CRLF3: variants seen among roughly 807,000 people sequenced by gnomAD.
CRLF3 encodes cytokine receptor-like factor 3.
A neutral mutation model predicts 55.0 loss-of-function variants in CRLF3; 33 were observed. The ratio of observed to expected loss-of-function variants is 0.60; its 90% CI spans 0.46 to 0.80. The LOEUF is 0.80. Among genes scored for constraint, CRLF3 ranks in the 30% least tolerant of loss-of-function variants. CRLF3 has a pLI of 0.00. For missense variants in CRLF3, 494 were observed against 538.4 expected, an observed-to-expected ratio of 0.92 and a Z score of 0.82; for synonymous variants, 238 against 196.8, an observed-to-expected ratio of 1.21 and a Z score of -1.75.
At position 30,815,976 on chromosome 17, in the gene CRLF3, T is replaced by TAA. The variant is rs527247079; in HGVS notation, c.129+8545_129+8546dup. 6.7e-3 allele frequency among the ~76,000 whole-genome samples: 915 copies of TAA among 135,998 alleles called. 15 individuals are homozygous for TAA. Among genetic ancestry groups the TAA allele is most frequent in the African/African-American group, 0.023 (857 of 37,536 alleles). The allele number at this position is 135,998 out of a possible 152,430, so 89.2% of individuals were successfully genotyped here. A position where few individuals can be genotyped will look rare whatever the true frequency, so the allele number is the denominator to read the frequency against. On this transcript the variant is annotated intron_variant, in intron 1 of 7. Coordinates refer to ENST00000324238, the MANE Select transcript of CRLF3 (RefSeq NM_015986.4). ...TGGTGTTGTTCAGGAAATAAAAAGTTAAAAAAAAAAAAAAGACAATTTGTA... is the reference window on the plus strand; with the variant it reads ...TGGTGTTGTTCAGGAAATAAAAAGTTAAAAAAAAAAAAAAAAGACAATTTGTA...
At chr17:30,801,804 A>AT (rs1015472554) in intron 2 of CRLF3, among the ~76,000 whole-genome samples, 48 of 148,462 alleles carry the variant, frequency 3.2e-4, no homozygotes, top group African/African-American at 9.4e-4. Context: ...AGGCAGGGTC[A>AT]TTTTTTTTTT....
chr17:30,812,718 G>A (rs763324506), intron 1 of CRLF3, among the ~76,000 whole-genome samples: 5 of 152,064 alleles, frequency 3.3e-5, no homozygotes, highest in Non-Finnish European at 5.9e-5. Context: ...GCAGTCACAC[G>A]TGCACAGCAA....
At chr17:30,801,225 A>G (rs1020232627) in intron 2 of CRLF3, 7 of 152,008 alleles carry the variant, frequency 4.6e-5, no homozygotes, top group African/African-American at 9.7e-5. Context: ...CTGGCTCAAA[A>G]TCTCTTAAAA....
chr17:30,788,214 G>A (rs559468550), intron 6 of CRLF3, among the ~76,000 whole-genome samples: 1 of 151,874 alleles, frequency 6.6e-6, no homozygotes, highest in Non-Finnish European at 1.5e-5. Flanking sequence ...TGTAGTCCCA[G>A]CTACTCAGGA....
chr17:30,783,826 C>T lies in CRLF3; in HGVS notation c.*361G>A, dbSNP rs1018345438. The T allele has an allele frequency of 1.1e-5, 2 of 181,376 alleles. No homozygotes were observed. Among genetic ancestry groups the T allele is most frequent in the African/African-American group, 2.4e-5 (1 of 41,798 alleles). The allele number at this position is 181,376 out of a possible 1,614,324, so 11.2% of individuals were successfully genotyped here. On this transcript the variant is annotated 3_prime_UTR_variant, in exon 8 of 8. Coordinates refer to ENST00000324238, the MANE Select transcript of CRLF3 (RefSeq NM_015986.4). The stretch of plus-strand genomic sequence containing the variant: ...TCTAAAGAGTTACATGGACTTGGAT[C>T]CTTTAAGATGATTTTAAAAATAATA...
At chr17:30,822,196 T>TAA (rs1905019933) in intron 1 of CRLF3, among the ~76,000 whole-genome samples, 1 of 152,114 alleles carries the variant, frequency 6.6e-6, no homozygotes, top group Non-Finnish European at 1.5e-5. Context: ...AATCCTTGAC[T>TAA]AAAGTGCCAT....
intron 6 of CRLF3, among the ~76,000 whole-genome samples, chr17:30,791,098 T>A (rs1256373362): frequency 1.3e-5 from 2 of 152,022 alleles, no homozygotes. Flanking sequence ...TTTTTTTTCT[T>A]TTTGAGACGG....
chr17:30,794,040 A>G (rs9900910), intron 4 of CRLF3, among the ~76,000 whole-genome samples: 3,598 of 152,020 alleles, frequency 0.024, 138 homozygotes, highest in African/African-American at 0.079. Flanking sequence ...GGGCTTCACC[A>G]TATCTCAGAT....
intron 1 of CRLF3, among the ~76,000 whole-genome samples, chr17:30,823,299 T>G (rs571047733): frequency 1.3e-5 from 2 of 151,684 alleles, no homozygotes; most frequent in South Asian, 4.2e-4. Flanking sequence ...GAGGCGGAGG[T>G]TGTTGCAGTG....
Position 30,804,073 on chromosome 17 carries a change from G to C in CRLF3, c.165C>G (p.Leu55=). 1.2e-6 allele frequency: 2 copies of C among 1,613,618 alleles called. No individual in the cohort carries two copies. Among genetic ancestry groups the C allele is most frequent in the Non-Finnish European group, 1.7e-6 (2 of 1,179,734 alleles). ...KESASQTRDV[L]KQHFNDLKGT... ...CCTTTAAATCATTAAAATGCTGTTTGAGAACATCCCTTGTCTGTGATGCAC... is the reference window on the plus strand; with the variant it reads ...CCTTTAAATCATTAAAATGCTGTTTCAGAACATCCCTTGTCTGTGATGCAC... The change falls in exon 2 of 8, where the codon CTC becomes CTG. Residue 55 remains leucine, a synonymous_variant. Transcript: ENST00000324238.
intron 1 of CRLF3, among the ~76,000 whole-genome samples, chr17:30,812,118 AT>A (rs1345751416): frequency 1.3e-5 from 2 of 151,444 alleles, no homozygotes; most frequent in African/African-American, 2.4e-5. Context: ...TAAAAAAAAA[AT>A]AAAAATAAAA....
In CRLF3 at chr17:30,784,090, GAGAT is replaced by G. The variant is rs1971574158; in HGVS notation, c.*93_*96del. The G allele has an allele frequency of 1.8e-6, 2 of 1,087,522 alleles. No homozygotes were observed. Among genetic ancestry groups the G allele is most frequent in the Non-Finnish European group, 2.7e-6 (2 of 753,024 alleles). The allele number at this position is 1,087,522 out of a possible 1,614,324, so 67.4% of individuals were successfully genotyped here. On this transcript the variant is annotated 3_prime_UTR_variant, in exon 8 of 8. Coordinates refer to ENST00000324238, the MANE Select transcript of CRLF3 (RefSeq NM_015986.4). ...AAACACTTTCCAATGGCCTAAGTTAGAGATGAATTCAACTTTTTTTTTAAAGCAA... is the reference window on the plus strand; with the variant it reads ...AAACACTTTCCAATGGCCTAAGTTAGGAATTCAACTTTTTTTTTAAAGCAA...
At position 30,784,037 on chromosome 17, in the gene CRLF3, TGCTAAAA is replaced by T; in HGVS notation, c.*143_*149del. Reference sequence around the variant, plus strand: ...TGTCCACAACATTGAAGTCTCTTTTTGCTAAAATATTACAAAATGAATCCAGTAAACA... The same window carrying T: ...TGTCCACAACATTGAAGTCTCTTTTTTATTACAAAATGAATCCAGTAAACA... On this transcript the variant is annotated 3_prime_UTR_variant, in exon 8 of 8. Coordinates refer to ENST00000324238, the MANE Select transcript of CRLF3 (RefSeq NM_015986.4). The T allele has an allele frequency of 1.5e-6, 1 of 678,966 alleles. No individual in the cohort carries two copies. The highest frequency in any genetic ancestry group is 2.5e-6 in the Non-Finnish European group (1 of 407,496). 42.1% of individuals were successfully genotyped at this position (678,966 alleles called of 1,614,324 possible).
intron 2 of CRLF3, among the ~76,000 whole-genome samples, chr17:30,802,004 A>G (rs1972012997): frequency 6.6e-6 from 1 of 151,964 alleles, no homozygotes; most frequent in African/African-American, 2.4e-5. Context: ...GCTATCCCAC[A>G]CTATTCCAGA....
At chr17:30,790,004 TC>T (rs1010981810) in intron 6 of CRLF3, among the ~76,000 whole-genome samples, 3 of 152,050 alleles carry the variant, frequency 2.0e-5, no homozygotes, top group East Asian at 1.9e-4. Flanking sequence ...TTTTTTTTTT[TC>T]CTCTCTCTCT....
intron 2 of CRLF3, among the ~76,000 whole-genome samples, chr17:30,800,505 TTTG>T: frequency 6.6e-6 from 1 of 152,318 alleles, no homozygotes; most frequent in East Asian, 1.9e-4. Context: ...TAGGCTGATT[TTTG>T]TTATCACAAA....
Position 30,784,261 on chromosome 17 carries a change from G to C in CRLF3, c.1255C>G (p.Leu419Val), listed in dbSNP as rs1399747970. The change falls in exon 8 of 8, where the codon CTT (leucine) becomes GTT (valine). Residue 419 changes from leucine (L) to valine (V), a missense_variant. Leu to Val is a conservative substitution (Grantham distance 32). Transcript: ENST00000324238. The stretch of plus-strand genomic sequence containing the variant: ...TAAAGAGAACCACAAGACTGATCAA[G>C]TAACCAGTCAAAAACCACTTCTCTA... ...NNREVVFDWL[L>V]DQSCGSLYFG... The C allele has an allele frequency of 1.2e-6, 2 of 1,613,392 alleles. No homozygotes were observed. The highest frequency in any genetic ancestry group is 2.7e-5 in the African/African-American group (2 of 75,042).
At chr17:30,793,030 C>T (rs1003403579) in intron 5 of CRLF3, among the ~76,000 whole-genome samples, 1 of 150,418 alleles carries the variant, frequency 6.6e-6, no homozygotes, top group Non-Finnish European at 1.5e-5. Flanking sequence ...GGTGTGCATG[C>T]AGGTGGTCCC....
chr17:30,794,497 C>T (rs565134515), intron 4 of CRLF3, among the ~76,000 whole-genome samples: 3 of 152,212 alleles, frequency 2.0e-5, no homozygotes, highest in South Asian at 4.1e-4. Context: ...ATGGCAAATA[C>T]GATCTAAAAC....
Sources: gnomAD v4.1 joint callset for allele counts (sites outside exome capture counted in the v4.1 genomes callset) on GRCh38, gnomAD v4.1.1 for gene constraint, MANE v1.5 for transcripts, NCBI Gene and HGNC (gene_info 2026-07-23, HGNC 2026-07-21) for gene names.